Variants in PTPRM observed in about 807,000 individuals in gnomAD.
PTPRM encodes receptor-type tyrosine-protein phosphatase mu.
A neutral mutation model predicts 186.7 loss-of-function variants in PTPRM; 47 were observed. The ratio of observed to expected loss-of-function variants is 0.25; its 90% CI spans 0.20 to 0.32. The LOEUF (loss-of-function observed/expected upper bound fraction) is 0.32. PTPRM is among the 10% of genes least tolerant of loss of function. The pLI is 1.00. For missense variants in PTPRM, 1,494 were observed against 1,865.0 expected (o/e 0.80, Z 3.66); for synonymous variants, 668 against 674.9 (o/e 0.99, Z 0.16).
chr18:8,098,679 A>G (rs1018312251), intron 11 of PTPRM, among the ~76,000 whole-genome samples: 3 of 152,124 alleles, frequency 2.0e-5, no homozygotes, highest in African/African-American at 4.8e-5. Context: ...TTCAGATCCA[A>G]TCAGGAAGGT....
intron 28 of PTPRM, among the ~76,000 whole-genome samples, chr18:8,380,017 G>T (rs1217847126): frequency 6.6e-6 from 1 of 152,224 alleles, no homozygotes; most frequent in Non-Finnish European, 1.5e-5. Flanking sequence ...AGATAATTAT[G>T]TATAGATTCG....
chr18:8,171,062 T>C (rs965284046), intron 14 of PTPRM, among the ~76,000 whole-genome samples: 2 of 152,196 alleles, frequency 1.3e-5, no homozygotes, highest in South Asian at 4.1e-4. Context: ...GTAAGACCCT[T>C]GGGCTATAGG....
chr18:7,894,361 C>T (rs886942909), intron 3 of PTPRM, among the ~76,000 whole-genome samples: 12 of 151,862 alleles, frequency 7.9e-5, no homozygotes, highest in East Asian at 7.8e-4. Context: ...CTGAGGCAGG[C>T]GGATCATGAG....
chr18:8,150,080 T>G (rs1241660297), intron 14 of PTPRM, among the ~76,000 whole-genome samples: 1 of 152,176 alleles, frequency 6.6e-6, no homozygotes, highest in Non-Finnish European at 1.5e-5. Flanking sequence ...CCCTTAACAT[T>G]TTTTCCTTCA....
At chr18:7,593,809 C>G (rs374269952) in intron 1 of PTPRM, among the ~76,000 whole-genome samples, 51 of 152,254 alleles carry the variant, frequency 3.3e-4, no homozygotes, top group African/African-American at 1.2e-3. Context: ...TTTCAGCTTG[C>G]CTTTGCCTAC....
chr18:8,365,461 G>A (rs951712354), intron 23 of PTPRM, among the ~76,000 whole-genome samples: 4 of 152,202 alleles, frequency 2.6e-5, no homozygotes, highest in East Asian at 1.9e-4. Context: ...GAAACTGCTC[G>A]GTGGATGGGA....
chr18:8,158,434 A>G (rs1189687832), intron 14 of PTPRM, among the ~76,000 whole-genome samples: 4 of 152,182 alleles, frequency 2.6e-5, no homozygotes, highest in African/African-American at 9.7e-5. Flanking sequence ...TTAAACTTGT[A>G]TCTTGGTTAT....
intron 13 of PTPRM, among the ~76,000 whole-genome samples, chr18:8,122,730 C>T (rs192479404): frequency 6.6e-6 from 1 of 152,162 alleles, no homozygotes; most frequent in Admixed American, 6.5e-5. Flanking sequence ...TTTACCTTGC[C>T]TGGTCTAGTT....
chr18:8,192,165 T>C (rs1213911573), intron 14 of PTPRM, among the ~76,000 whole-genome samples: 1 of 152,084 alleles, frequency 6.6e-6, no homozygotes, highest in African/African-American at 2.4e-5. Context: ...TGTTTAAAAG[T>C]AAGGAAAATC....
intron 1 of PTPRM, among the ~76,000 whole-genome samples, chr18:7,692,439 G>A (rs1195108433): frequency 6.6e-6 from 1 of 152,194 alleles, no homozygotes; most frequent in Non-Finnish European, 1.5e-5. Context: ...CCAAGTCACA[G>A]CACTGCTCTC....
At position 7,781,804 on chromosome 18, in the gene PTPRM, AT is replaced by A. The variant is rs201078993; in HGVS notation, c.196+7542del. ...TTGGGAGGTGGGCATTGAATTTGAC[AT>A]TTTTTTTTAGTTGATTCTGAATAAT... On this transcript the variant is annotated intron_variant, in intron 2 of 32. Transcript: ENST00000580170. Among the ~76,000 whole-genome samples the A allele has an allele frequency of 2.4e-4, 37 of 151,584 alleles. No homozygotes were observed. The East Asian group carries it at 3.7e-3, about 15-fold the overall frequency.
At chr18:8,039,512 C>A (rs1373522056) in intron 7 of PTPRM, among the ~76,000 whole-genome samples, 30 of 152,030 alleles carry the variant, frequency 2.0e-4, no homozygotes. Context: ...TTGATACCTG[C>A]TAAGTTCCGT....
rs547441898 is a variant in PTPRM at position 8,014,733 on chromosome 18, C to T, written c.1133-54953C>T. Among the ~76,000 whole-genome samples the T allele has an allele frequency of 1.1e-4, 16 of 152,292 alleles. No homozygotes were observed. In the South Asian group the frequency reaches 2.7e-3, roughly 26 times the overall value. On this transcript the variant is annotated intron_variant, in intron 7 of 32. Coordinates refer to ENST00000580170, the MANE Select transcript of PTPRM (RefSeq NM_001105244.2). ...ATACACACTCATTTATACCCTTGTGCGTATCTCACATATGTGAACACACAC... is the reference window on the plus strand; with the variant it reads ...ATACACACTCATTTATACCCTTGTGTGTATCTCACATATGTGAACACACAC...
intron 2 of PTPRM, among the ~76,000 whole-genome samples, chr18:7,801,141 C>T (rs1441502489): frequency 6.6e-6 from 1 of 152,074 alleles, no homozygotes. Context: ...AATAAATTAA[C>T]CTTAGCCTAC....
intron 23 of PTPRM, among the ~76,000 whole-genome samples, chr18:8,350,203 A>T (rs1350811180): frequency 6.6e-6 from 1 of 152,220 alleles, no homozygotes; most frequent in Non-Finnish European, 1.5e-5. Context: ...TCGGCAGCTC[A>T]TAGAGGCTGC....
intron 6 of PTPRM, among the ~76,000 whole-genome samples, chr18:7,952,216 T>C (rs2053011762): frequency 1.3e-5 from 2 of 152,268 alleles, no homozygotes; most frequent in East Asian, 1.9e-4. Flanking sequence ...ATCCATTAGA[T>C]ATATGTCTGT....
intron 23 of PTPRM, among the ~76,000 whole-genome samples, chr18:8,347,708 C>T (rs564461028): frequency 6.6e-6 from 1 of 152,072 alleles, no homozygotes; most frequent in Non-Finnish European, 1.5e-5. Flanking sequence ...TAAGGTGTGG[C>T]TGAAGTGGGT....
intron 5 of PTPRM, among the ~76,000 whole-genome samples, chr18:7,948,132 C>T (rs1294821597): frequency 4.0e-5 from 1 of 24,962 alleles, no homozygotes; most frequent in Non-Finnish European, 1.1e-4. Context: ...TTATAAAATA[C>T]ACACACACAC....
intron 2 of PTPRM, among the ~76,000 whole-genome samples, chr18:7,812,524 C>G (rs1022038342): frequency 5.9e-5 from 9 of 152,154 alleles, no homozygotes; most frequent in Admixed American, 5.2e-4. Flanking sequence ...ATGAGCTGCT[C>G]CAGGAATCTC....
Sources: allele counts gnomAD v4.1 joint callset (sites outside exome capture counted in the v4.1 genomes callset), GRCh38; gene constraint gnomAD v4.1.1; transcripts MANE v1.5; gene names NCBI Gene and HGNC (gene_info 2026-07-23, HGNC 2026-07-21).